The following TAF12 variants were observed in gnomAD, a reference collection of about 807,000 sequenced individuals.
TAF12 encodes TATA-box binding protein associated factor 12, also known as transcription initiation factor TFIID subunit 12.
A neutral mutation model predicts 20.8 loss-of-function variants in TAF12; 3 were observed. That is an observed-to-expected ratio of 0.14 (90% CI 0.07 to 0.37). The LOEUF is 0.37. TAF12 is among the 10% of genes least tolerant of loss of function. The probability of loss-of-function intolerance (pLI) is 1.00; values close to 1 mark genes in which losing one functional copy is unlikely to be tolerated. For missense variants in TAF12, 131 were observed against 197.9 expected (o/e 0.66, Z 2.03); for synonymous variants, 69 against 70.2 (o/e 0.98, Z 0.09).
intron 1 of TAF12, among the ~76,000 whole-genome samples, chr1:28,628,380 A>G (rs1474277488): frequency 6.6e-6 from 1 of 151,748 alleles, no homozygotes; most frequent in East Asian, 1.9e-4. Context: ...AAACCCTAAA[A>G]AGCTGGTCAC....
chr1:28,613,986 C>T (rs3001308), intron 3 of TAF12, among the ~76,000 whole-genome samples: 152,225 of 152,324 alleles, frequency 1, 76,063 homozygotes, highest in Middle Eastern at 1. Context: ...ACGCCTGTAA[C>T]CCCAGCACTT....
intron 1 of TAF12, among the ~76,000 whole-genome samples, chr1:28,641,994 G>A (rs1182646502): frequency 6.6e-6 from 1 of 152,070 alleles, no homozygotes; most frequent in Admixed American, 6.6e-5. Context: ...TAAAATAGGA[G>A]TTTTTAAAAG....
At chr1:28,608,128 A>C (rs1284791739) in intron 4 of TAF12, among the ~76,000 whole-genome samples, 2 of 151,048 alleles carry the variant, frequency 1.3e-5, no homozygotes, top group African/African-American at 2.4e-5. Context: ...TCAGGAGATC[A>C]AGACCATCCT....
intron 2 of TAF12, 80 bp from the exon 3 acceptor site, chr1:28,618,110 TGTCAAA>T: frequency 7.3e-7 from 1 of 1,379,238 alleles, no homozygotes; most frequent in Non-Finnish European, 1.0e-6. Flanking sequence ...GAAGAAAGGC[TGTCAAA>T]TTGTTGGTTT....
intron 1 of TAF12, among the ~76,000 whole-genome samples, chr1:28,629,080 A>C (rs578059917): frequency 6.6e-6 from 1 of 152,178 alleles, no homozygotes; most frequent in Admixed American, 6.6e-5. Flanking sequence ...CAAATAAATA[A>C]ATGAATAAAA....
At chr1:28,610,982 AACAC>A in intron 4 of TAF12, among the ~76,000 whole-genome samples, 1 of 92,714 alleles carries the variant, frequency 1.1e-5, no homozygotes, top group Non-Finnish European at 2.8e-5. Flanking sequence ...AAAAAAAAAA[AACAC>A]AGGTGGAGTC....
chr1:28,627,677 A>C (rs1667461289), intron 1 of TAF12, among the ~76,000 whole-genome samples: 1 of 151,254 alleles, frequency 6.6e-6, no homozygotes. Context: ...AAAAAAAAAA[A>C]AAAAAAAAAA....
chr1:28,617,444 A>AT (rs1667078383), intron 3 of TAF12, among the ~76,000 whole-genome samples: 1 of 148,224 alleles, frequency 6.7e-6, no homozygotes, highest in East Asian at 2.0e-4. Flanking sequence ...CGCTCAGCTA[A>AT]TTTTTTTTCT....
chr1:28,609,138 G>A (rs1404944016), intron 4 of TAF12, among the ~76,000 whole-genome samples: 1 of 151,892 alleles, frequency 6.6e-6, no homozygotes, highest in East Asian at 1.9e-4. Flanking sequence ...GTGCAATGGT[G>A]TGATCTCGGC....
chr1:28,608,483 G>A (rs1278037050), intron 4 of TAF12, among the ~76,000 whole-genome samples: 1 of 152,158 alleles, frequency 6.6e-6, no homozygotes, highest in Non-Finnish European at 1.5e-5. Flanking sequence ...GCCGGGTGTG[G>A]TGGCTCACGG....
chr1:28,620,353 C>T (rs1053133238), intron 2 of TAF12, among the ~76,000 whole-genome samples: 4 of 151,784 alleles, frequency 2.6e-5, no homozygotes, highest in Admixed American at 1.3e-4. Flanking sequence ...AGGCTGGTCT[C>T]GAACTCTTGA....
rs560930500 is a variant in TAF12, at chr1:28,630,756, A to G, written c.-84-8591T>C. On this transcript the variant is annotated intron_variant, in intron 1 of 5. Coordinates refer to ENST00000373824, the MANE Select transcript of TAF12 (RefSeq NM_005644.4). ...CTGCTCTGCAAAAGACAATAAGAAGATAAGTTGGGCCAGGCGTGGTGGCTC... is the reference window on the plus strand; with the variant it reads ...CTGCTCTGCAAAAGACAATAAGAAGGTAAGTTGGGCCAGGCGTGGTGGCTC... Among the ~76,000 whole-genome samples, 43 of 151,948 alleles carry G rather than the reference A, an allele frequency of 2.8e-4. No individual in the cohort carries two copies. In the South Asian group the frequency reaches 3.3e-3, roughly 12 times the overall value.
chr1:28,627,521 GTCTCTAC>G, intron 1 of TAF12, among the ~76,000 whole-genome samples: 1 of 151,408 alleles, frequency 6.6e-6, no homozygotes, highest in South Asian at 2.1e-4. Context: ...GTGAAACCCT[GTCTCTAC>G]TAAAAATACA....
chr1:28,628,866 A>C (rs949998480), intron 1 of TAF12, among the ~76,000 whole-genome samples: 2 of 152,190 alleles, frequency 1.3e-5, no homozygotes, highest in African/African-American at 4.8e-5. Context: ...TGAGGTTGGG[A>C]GTTCGAGACC....
At chr1:28,635,186 C>T (rs1360576513) in intron 1 of TAF12, among the ~76,000 whole-genome samples, 1 of 148,952 alleles carries the variant, frequency 6.7e-6, no homozygotes, top group Non-Finnish European at 1.5e-5. Context: ...GCCGAGATCG[C>T]GCCACTGCAC....
chr1:28,621,849 A>G, intron 2 of TAF12, 65 bp downstream of exon 2: 2 of 1,570,128 alleles, frequency 1.3e-6, no homozygotes, highest in Non-Finnish European at 1.7e-6. Flanking sequence ...CATCTCTTAA[A>G]GTATTACAGA....
chr1:28,642,917 C>T, intron 1 of TAF12, 75 bp downstream of exon 1: 4 of 986,230 alleles, frequency 4.1e-6, no homozygotes, highest in Non-Finnish European at 4.8e-6. Context: ...CCTTCGAACA[C>T]TGACCCACTG....
At chr1:28,642,959 C>A in intron 1 of TAF12, 33 bp downstream of exon 1, 1 of 986,328 alleles carries the variant, frequency 1.0e-6, no homozygotes, top group African/African-American at 1.7e-5. Flanking sequence ...TCCTCCCGCT[C>A]TTGTTCCTCA....
intron 1 of TAF12, among the ~76,000 whole-genome samples, chr1:28,634,095 A>T (rs1283950432): frequency 6.6e-6 from 1 of 151,934 alleles, no homozygotes; most frequent in Non-Finnish European, 1.5e-5. Context: ...AAATAAATAA[A>T]AAATAAATAA....
Sources: gnomAD v4.1 joint callset for allele counts (sites outside exome capture counted in the v4.1 genomes callset) on GRCh38, gnomAD v4.1.1 for gene constraint, MANE v1.5 for transcripts, NCBI Gene and HGNC (gene_info 2026-07-23, HGNC 2026-07-21) for gene names.